The following LRIG1 variants were observed in gnomAD, a reference collection of about 807,000 sequenced individuals.
LRIG1 encodes leucine-rich repeats and immunoglobulin-like domains protein 1.
LRIG1 carries 48 observed loss-of-function variants against 99.2 expected under a neutral mutation model. The ratio of observed to expected loss-of-function variants is 0.48; its 90% CI spans 0.38 to 0.62. The LOEUF is 0.62. Ranked by LOEUF, LRIG1 falls within the 20% of genes least tolerant of loss-of-function variation. LRIG1 has a pLI of 0.00. For synonymous variants in LRIG1, 772 were observed against 596.1 expected (o/e 1.29, Z -4.30); for missense variants, 1,646 against 1,434.4 (o/e 1.15, Z -2.38).
chr3:66,499,251 G>C (rs1701298363), intron 1 of LRIG1, among the ~76,000 whole-genome samples: 1 of 152,140 alleles, frequency 6.6e-6, no homozygotes, highest in African/African-American at 2.4e-5. Flanking sequence ...CCTGTAAGAA[G>C]TGTCCCACTA....
intron 14 of LRIG1, among the ~76,000 whole-genome samples, chr3:66,383,623 C>T (rs1407306831): frequency 6.6e-6 from 1 of 152,128 alleles, no homozygotes; most frequent in African/African-American, 2.4e-5. Context: ...TGACAAAAGC[C>T]CCTGCTATTC....
intron 1 of LRIG1, among the ~76,000 whole-genome samples, chr3:66,492,501 AAG>A (rs1219028599): frequency 1.3e-5 from 2 of 152,154 alleles, no homozygotes; most frequent in African/African-American, 4.8e-5. Context: ...TTCTGCTTGT[AAG>A]AGAGACCTTC....
chr3:66,500,480 C>G lies in LRIG1; in HGVS notation c.-73G>C, dbSNP rs920241732. The G allele has an allele frequency of 2.3e-6, 2 of 877,978 alleles. No homozygotes were observed. Among genetic ancestry groups the G allele is most frequent in the Non-Finnish European group, 3.1e-6 (2 of 642,632 alleles). 54.4% of individuals were successfully genotyped at this position (877,978 alleles called of 1,614,324 possible). A position where few individuals can be genotyped will look rare whatever the true frequency, so the allele number is the denominator to read the frequency against. On this transcript the variant is annotated 5_prime_UTR_variant, in exon 1 of 19. Transcript: ENST00000273261. ...CCGAACGGCCGCAGACGCGGGCGGG[C>G]CCGCGGGGCGCTCCGCTCGGCTCTA...
chr3:66,455,276 T>C (rs9881561), intron 2 of LRIG1, among the ~76,000 whole-genome samples: 6,083 of 152,268 alleles, frequency 0.04, 392 homozygotes, highest in African/African-American at 0.14. Context: ...ACTCATTAAA[T>C]AGCTGGTATA....
intron 3 of LRIG1, among the ~76,000 whole-genome samples, chr3:66,441,641 T>A (rs1703544514): frequency 6.6e-6 from 1 of 152,204 alleles, no homozygotes; most frequent in Non-Finnish European, 1.5e-5. Context: ...CATGCTGCAT[T>A]TGCAGGGTAG....
chr3:66,410,317 C>A (rs752788026), intron 6 of LRIG1, 45 bp from the exon 7 acceptor site: 1 of 1,551,412 alleles, frequency 6.4e-7, no homozygotes, highest in East Asian at 2.3e-5. Flanking sequence ...CTTTCACTCC[C>A]TTCACTGGAC....
rs140779566 is a variant in LRIG1 at position 66,419,929 on chromosome 3, T to TA, written c.366-2664dup. 3.6e-3 allele frequency among the ~76,000 whole-genome samples: 551 copies of TA among 152,314 alleles called. 3 individuals are homozygous for TA. Among genetic ancestry groups the TA allele is most frequent in the Non-Finnish European group, 6.7e-3 (458 of 68,024 alleles). On this transcript the variant is annotated intron_variant, in intron 3 of 18. Coordinates refer to ENST00000273261, the MANE Select transcript of LRIG1 (RefSeq NM_015541.3). ...ATAACCATGCCCATGGGCTACTGAC[T>TA]AGACCTTCCCTTCCATCCTTGCCCA...
chr3:66,383,423 C>A (rs1701203646), intron 14 of LRIG1, 22 bp from the exon 15 acceptor site: 1 of 1,521,024 alleles, frequency 6.6e-7, no homozygotes, highest in Admixed American at 2.1e-5. Context: ...CAACAGAGAT[C>A]TTAGTCATTC....
intron 9 of LRIG1, among the ~76,000 whole-genome samples, chr3:66,399,953 G>A (rs992117751): frequency 4.6e-5 from 7 of 152,208 alleles, no homozygotes; most frequent in African/African-American, 1.7e-4. Flanking sequence ...CTGTGTCCCT[G>A]CCTACGAGAG....
chr3:66,386,378 A>C, intron 12 of LRIG1, 77 bp from the exon 13 acceptor site: 1 of 1,243,934 alleles, frequency 8.0e-7, no homozygotes, highest in East Asian at 2.3e-5. Flanking sequence ...ATGCTAACAG[A>C]AACTGACACA....
intron 1 of LRIG1, among the ~76,000 whole-genome samples, chr3:66,475,568 C>T (rs1232951861): frequency 6.6e-6 from 1 of 152,188 alleles, no homozygotes; most frequent in Admixed American, 6.5e-5. Context: ...AGGTCTAGTC[C>T]GCATGGCTAC....
intron 3 of LRIG1, among the ~76,000 whole-genome samples, chr3:66,430,448 T>C (rs1006831951): frequency 9.2e-5 from 14 of 152,182 alleles, no homozygotes; most frequent in Non-Finnish European, 1.8e-4. Flanking sequence ...ATTATGCTTA[T>C]CCAAGGCTGG....
intron 1 of LRIG1, among the ~76,000 whole-genome samples, chr3:66,468,760 C>A (rs537062741): frequency 2.6e-5 from 4 of 152,266 alleles, no homozygotes; most frequent in South Asian, 4.1e-4. Flanking sequence ...GTGATTCGTC[C>A]TTTCAAAATT....
rs1702643104 is a variant in LRIG1 at position 66,417,255 on chromosome 3, T to G, written c.377A>C (p.Lys126Thr). 1.2e-6 allele frequency: 2 copies of G among 1,613,756 alleles called. No homozygotes were observed. The highest frequency in any genetic ancestry group is 3.3e-5 in the Admixed American group (2 of 59,996). Residue 126 changes from lysine (K) to threonine (T), a missense_variant, in exon 4 of 19, where the codon AAG becomes ACG. By Grantham distance (78) the Lys-to-Thr change is moderately conservative. Transcript: ENST00000273261. ...HVVSLFLQHN[K>T]IRSVEGSQLK... ...CTGGCTCCCCTCCACGCTGCGAATCTTGTTGTGCTGCCTGAAACACAACAA... is the reference window on the plus strand; with the variant it reads ...CTGGCTCCCCTCCACGCTGCGAATCGTGTTGTGCTGCCTGAAACACAACAA...
intron 3 of LRIG1, among the ~76,000 whole-genome samples, chr3:66,439,899 A>G (rs961262004): frequency 6.6e-6 from 1 of 152,182 alleles, no homozygotes; most frequent in Admixed American, 6.5e-5. Flanking sequence ...GTATCTTCAA[A>G]TTAAATCAAC....
chr3:66,405,967 GCC>G (rs1049360028), intron 8 of LRIG1: 24 of 995,614 alleles, frequency 2.4e-5, no homozygotes, highest in Non-Finnish European at 2.9e-5. Context: ...AGGTCACAGT[GCC>G]CAGGCGAGAC....
intron 3 of LRIG1, among the ~76,000 whole-genome samples, chr3:66,420,346 C>T (rs1370669601): frequency 6.6e-6 from 1 of 152,160 alleles, no homozygotes; most frequent in Non-Finnish European, 1.5e-5. Flanking sequence ...GAGAGTGAAA[C>T]CCTGTATGCC....
intron 3 of LRIG1, among the ~76,000 whole-genome samples, chr3:66,435,800 T>C (rs1703336198): frequency 6.6e-6 from 1 of 151,552 alleles, no homozygotes; most frequent in African/African-American, 2.4e-5. Context: ...TTTTTACAAC[T>C]GCATGTGAAT....
At position 66,500,403 on chromosome 3, in the gene LRIG1, G is replaced by C; in HGVS notation, c.5C>G (p.Ala2Gly). 7.1e-7 allele frequency: 1 copy of C among 1,415,042 alleles called. No individual in the cohort carries two copies. The highest frequency in any genetic ancestry group is 9.2e-7 in the Non-Finnish European group (1 of 1,092,440). The allele number at this position is 1,415,042 out of a possible 1,614,324, so 87.7% of individuals were successfully genotyped here. Residue 2 changes from alanine (A) to glycine (G), a missense_variant, in exon 1 of 19, where the codon GCG (alanine) becomes GGG (glycine). Ala to Gly is a moderately conservative substitution (Grantham distance 60). Transcript: ENST00000273261. M[A>G]RPVRGGLGAP... ...CCCGAGCCCTCCCCGGACCGGCCGCGCCATCTTGTCTGGAGCGCGCTGCGA... is the reference window on the plus strand; with the variant it reads ...CCCGAGCCCTCCCCGGACCGGCCGCCCCATCTTGTCTGGAGCGCGCTGCGA...
Sources: gnomAD v4.1 joint callset for allele counts (sites outside exome capture counted in the v4.1 genomes callset) on GRCh38, gnomAD v4.1.1 for gene constraint, MANE v1.5 for transcripts, NCBI Gene and HGNC (gene_info 2026-07-23, HGNC 2026-07-21) for gene names.